Variants in PI15 observed in about 807,000 individuals in gnomAD.
The protein encoded by PI15 is peptidase inhibitor 15.
Under a neutral mutation model 31.0 loss-of-function variants are expected in PI15, and 18 were observed. That is an observed-to-expected ratio of 0.58 (90% confidence interval 0.40 to 0.86). The LOEUF (loss-of-function observed/expected upper bound fraction) is 0.86. PI15 is among the 40% of genes least tolerant of loss of function. The pLI, the probability that PI15 is intolerant of heterozygous loss-of-function variation, is 0.00. For missense variants in PI15, 282 were observed against 328.1 expected, an observed-to-expected ratio of 0.86 and a Z score of 1.09; for synonymous variants, 118 against 119.1, an observed-to-expected ratio of 0.99 and a Z score of 0.06.
chr8:74,844,647 C>T lies in PI15; in HGVS notation c.393-481C>T, dbSNP rs758898678. On this transcript the variant is annotated intron_variant, in intron 3 of 5. Transcript: ENST00000260113. ...TAATTTTTCTGCCACTGTGCAAAGT[C>T]GTTATCCAACACTCCAAATACCCAT... Among the ~76,000 whole-genome samples the T allele has an allele frequency of 7.2e-5, 11 of 151,986 alleles. No homozygotes were observed. The South Asian group carries it at 1.2e-3, about 17-fold the overall frequency.
In PI15 at chr8:74,851,567, T is replaced by A. The variant is rs1811104552; in HGVS notation, c.*2314T>A. ...CTTATTTGAGATTAAATTAAATTTT[T>A]CATGAGCCCCTCTTTGGCAGGAACT... is the stretch of plus-strand genomic sequence containing the variant. On this transcript the variant is annotated 3_prime_UTR_variant, in exon 6 of 6. Transcript: ENST00000260113. The A allele has an allele frequency of 6.6e-6, 1 of 152,068 alleles. No homozygotes were observed. Among genetic ancestry groups the A allele is most frequent in the Non-Finnish European group, 1.5e-5 (1 of 67,918 alleles). 9.4% of individuals were successfully genotyped at this position (152,068 alleles called of 1,614,324 possible).
chr8:74,830,351 T>C (rs1282843297), intron 2 of PI15, among the ~76,000 whole-genome samples: 1 of 152,124 alleles, frequency 6.6e-6, no homozygotes, highest in Non-Finnish European at 1.5e-5. Context: ...ATACAGTATC[T>C]CTTTTATTTG....
chr8:74,838,040 C>A (rs943531147), intron 2 of PI15, among the ~76,000 whole-genome samples: 14 of 151,820 alleles, frequency 9.2e-5, no homozygotes, highest in African/African-American at 3.4e-4. Context: ...ATGTTTGTTA[C>A]CACTTGCAAA....
At chr8:74,840,025 A>G (rs1268291457) in intron 2 of PI15, among the ~76,000 whole-genome samples, 1 of 152,166 alleles carries the variant, frequency 6.6e-6, no homozygotes. Flanking sequence ...GATAGGAAAG[A>G]ATTAATCATA....
intron 5 of PI15, among the ~76,000 whole-genome samples, chr8:74,848,732 T>TAG (rs1004356103): frequency 0.011 from 1,544 of 136,324 alleles, 14 homozygotes; most frequent in South Asian, 0.016. Flanking sequence ...TATATATATA[T>TAG]AGAGAGAGAG....
chr8:74,841,565 ATC>A (rs1389751721), intron 2 of PI15, among the ~76,000 whole-genome samples: 1 of 152,224 alleles, frequency 6.6e-6, no homozygotes, highest in African/African-American at 2.4e-5. Context: ...GCAGTTACAG[ATC>A]TGAGTGCACA....
rs1164704486 is a variant in PI15 at position 74,845,189 on chromosome 8, C to G, written c.454C>G (p.Pro152Ala). The G allele has an allele frequency of 6.2e-7, 1 of 1,612,448 alleles. No homozygotes were observed. The highest frequency in any genetic ancestry group is 8.5e-7 in the Non-Finnish European group (1 of 1,178,576). The change falls in exon 4 of 6, where the codon CCA (proline) becomes GCA (alanine). Residue 152 changes from proline to alanine, a missense_variant. By Grantham distance (27) the Pro-to-Ala change is conservative. Coordinates refer to ENST00000260113, the MANE Select transcript of PI15 (RefSeq NM_015886.5). ...TGATGAAGTGAAAGATTATGCTTTT[C>G]CATATCCCCAGGATTGCAACCCCAG... ...WYDEVKDYAF[P>A]YPQDCNPRCP...
At chr8:74,844,530 A>C (rs1810995982) in intron 3 of PI15, among the ~76,000 whole-genome samples, 2 of 152,044 alleles carry the variant, frequency 1.3e-5, no homozygotes, top group Non-Finnish European at 2.9e-5. Flanking sequence ...AAACATATAC[A>C]ATAAAAATGT....
intron 2 of PI15, among the ~76,000 whole-genome samples, chr8:74,835,206 T>C (rs994947550): frequency 6.6e-6 from 1 of 152,138 alleles, no homozygotes; most frequent in African/African-American, 2.4e-5. Flanking sequence ...TTTTTTTATC[T>C]TTTTAAAAAT....
Position 74,844,976 on chromosome 8 carries a change from C to T in PI15, c.393-152C>T, listed in dbSNP as rs982577792. 32 of 656,664 alleles carry T rather than the reference C, an allele frequency of 4.9e-5. 1 individual carries two copies. The highest frequency in any genetic ancestry group is 7.4e-5 in the Non-Finnish European group (28 of 377,128). 40.7% of individuals were successfully genotyped at this position (656,664 alleles called of 1,614,324 possible). A position where few individuals can be genotyped will look rare whatever the true frequency, so the allele number is the denominator to read the frequency against. Reference sequence around the variant, plus strand: ...GCCCTAGTTGGAGGAATAGAGGACCCGACTAGGTGGTGATGGTGATTGTGA... The same window carrying T: ...GCCCTAGTTGGAGGAATAGAGGACCTGACTAGGTGGTGATGGTGATTGTGA... On this transcript the variant is annotated intron_variant, in intron 3 of 5. Transcript: ENST00000260113.
At chr8:74,836,614 T>G (rs1188485887) in intron 2 of PI15, among the ~76,000 whole-genome samples, 1 of 150,892 alleles carries the variant, frequency 6.6e-6, no homozygotes, top group African/African-American at 2.4e-5. Flanking sequence ...CACACAGAAG[T>G]TGTGGAGATA....
At chr8:74,839,724 G>A (rs149812093) in intron 2 of PI15, among the ~76,000 whole-genome samples, 5 of 152,144 alleles carry the variant, frequency 3.3e-5, no homozygotes, top group African/African-American at 9.6e-5. Flanking sequence ...TAGTTTTTCC[G>A]AATAGATAAC....
intron 2 of PI15, among the ~76,000 whole-genome samples, chr8:74,832,522 C>T (rs533349866): frequency 3.9e-5 from 6 of 152,006 alleles, no homozygotes; most frequent in Non-Finnish European, 7.4e-5. Flanking sequence ...AGAAAATACC[C>T]CCCTCTGTTT....
At chr8:74,842,545 C>G (rs1256801198) in intron 2 of PI15, among the ~76,000 whole-genome samples, 2 of 151,944 alleles carry the variant, frequency 1.3e-5, no homozygotes, top group East Asian at 3.9e-4. Context: ...ACTTCTTTTT[C>G]TATAATGTGT....
rs752542230 is a variant in PI15 at position 74,854,626 on chromosome 8, G to C, written c.*5373G>C. 1 of 152,058 alleles carries C rather than the reference G, an allele frequency of 6.6e-6. No homozygotes were observed. The highest frequency in any genetic ancestry group is 1.5e-5 in the Non-Finnish European group (1 of 67,982). The allele number at this position is 152,058 out of a possible 1,614,324, so 9.4% of individuals were successfully genotyped here. A position where few individuals can be genotyped will look rare whatever the true frequency, so the allele number is the denominator to read the frequency against. On this transcript the variant is annotated 3_prime_UTR_variant, in exon 6 of 6. Transcript: ENST00000260113. ...GTTAGCAGTCTTTCAGTTTGGGGGA[G>C]AATTAAATACTGTGCTAAGCTGGTG... is the stretch of plus-strand genomic sequence containing the variant.
chr8:74,832,321 C>T (rs1301089476), intron 2 of PI15, among the ~76,000 whole-genome samples: 1 of 152,086 alleles, frequency 6.6e-6, no homozygotes, highest in East Asian at 1.9e-4. Context: ...TCACCCAGGA[C>T]ACGCACCTCT....
In PI15 at chr8:74,825,470, A is replaced by C; in HGVS notation, c.221A>C (p.His74Pro). Residue 74 changes from histidine (H) to proline (P), a missense_variant, in exon 2 of 6, where the codon CAT (histidine) becomes CCT (proline). By Grantham distance (77) the His-to-Pro change is moderately conservative. Coordinates refer to ENST00000260113, the MANE Select transcript of PI15 (RefSeq NM_015886.5). Reference sequence around the variant, plus strand: ...GACATGATCGCCATTCTTGATTATCATAATCAAGTTCGGGGCAAAGTGTTC... The same window carrying C: ...GACATGATCGCCATTCTTGATTATCCTAATCAAGTTCGGGGCAAAGTGTTC... Reference protein sequence around the residue: ...QNDMIAILDYHNQVRGKVFPP... With the variant: ...QNDMIAILDYPNQVRGKVFPP... 1 of 1,613,248 alleles carries C rather than the reference A, an allele frequency of 6.2e-7. No individual in the cohort carries two copies. Among genetic ancestry groups the C allele is most frequent in the Non-Finnish European group, 8.5e-7 (1 of 1,179,480 alleles).
chr8:74,847,358 T>A (rs1811040514), intron 5 of PI15, among the ~76,000 whole-genome samples: 1 of 151,570 alleles, frequency 6.6e-6, no homozygotes, highest in Non-Finnish European at 1.5e-5. Context: ...GGCAAGATAA[T>A]CGCTTGAGCC....
intron 2 of PI15, among the ~76,000 whole-genome samples, chr8:74,835,233 G>A (rs1810846120): frequency 1.3e-5 from 2 of 152,104 alleles, no homozygotes; most frequent in African/African-American, 4.8e-5. Context: ...TTTTCAGAAA[G>A]TTTCATACAA....
Sources: gnomAD v4.1 joint callset for allele counts (sites outside exome capture counted in the v4.1 genomes callset) on GRCh38, gnomAD v4.1.1 for gene constraint, MANE v1.5 for transcripts, NCBI Gene and HGNC (gene_info 2026-07-23, HGNC 2026-07-21) for gene names.